The following LRMDA variants were observed in gnomAD, a reference collection of about 807,000 sequenced individuals.
LRMDA encodes leucine rich melanocyte differentiation associated, also known as leucine-rich melanocyte differentiation-associated protein.
Under a neutral mutation model 29.8 loss-of-function variants are expected in LRMDA, and 18 were observed. That is an observed-to-expected ratio of 0.60 (90% confidence interval 0.42 to 0.90). The LOEUF is 0.90. Ranked by LOEUF, LRMDA falls within the 40% of genes least tolerant of loss-of-function variation. The probability of loss-of-function intolerance (pLI) is 0.00; values close to 1 mark genes in which losing one functional copy is unlikely to be tolerated. For synonymous variants in LRMDA, 125 were observed against 109.4 expected (o/e 1.14, Z -0.89); for missense variants, 273 against 273.9 (o/e 1.00, Z 0.02).
At chr10:75,601,999 T>C (rs997772244) in intron 2 of LRMDA, among the ~76,000 whole-genome samples, 1 of 152,242 alleles carries the variant, frequency 6.6e-6, no homozygotes, top group Non-Finnish European at 1.5e-5. Context: ...TCCTCCAGAA[T>C]ACTATCTTCT....
intron 6 of LRMDA, among the ~76,000 whole-genome samples, chr10:76,345,799 A>C (rs1394936173): frequency 6.6e-5 from 10 of 152,320 alleles, no homozygotes. Context: ...ACATGGCTAA[A>C]GGGAAATACA....
chr10:75,723,345 C>T (rs997278552), intron 2 of LRMDA, among the ~76,000 whole-genome samples: 3 of 152,172 alleles, frequency 2.0e-5, no homozygotes, highest in African/African-American at 4.8e-5. Flanking sequence ...TTGTGATGAA[C>T]CAAGAAAGTA....
At chr10:75,585,259 C>G (rs567260795) in intron 2 of LRMDA, among the ~76,000 whole-genome samples, 65 of 152,346 alleles carry the variant, frequency 4.3e-4, no homozygotes, top group Non-Finnish European at 6.8e-4. Context: ...TAGCATATTG[C>G]TCAAAATGTC....
intron 6 of LRMDA, among the ~76,000 whole-genome samples, chr10:76,326,832 C>G (rs146356630): frequency 1.3e-5 from 2 of 152,156 alleles, no homozygotes; most frequent in African/African-American, 4.8e-5. Context: ...AGACCTGGGA[C>G]TCAATTTTTC....
intron 2 of LRMDA, among the ~76,000 whole-genome samples, chr10:75,818,711 C>T (rs1244484907): frequency 6.6e-6 from 1 of 152,174 alleles, no homozygotes; most frequent in Non-Finnish European, 1.5e-5. Flanking sequence ...AGAGCACAGA[C>T]CTGTCATGGG....
At chr10:76,072,439 G>A (rs1434681443) in intron 5 of LRMDA, among the ~76,000 whole-genome samples, 1 of 152,142 alleles carries the variant, frequency 6.6e-6, no homozygotes, top group Admixed American at 6.5e-5. Context: ...CATAGTAGGT[G>A]CTCAGTAAAG....
At chr10:76,013,575 C>G (rs1847823129) in intron 2 of LRMDA, among the ~76,000 whole-genome samples, 1 of 152,002 alleles carries the variant, frequency 6.6e-6, no homozygotes, top group Admixed American at 6.5e-5. Flanking sequence ...TTGGGCATAC[C>G]TGGGGCAACA....
intron 2 of LRMDA, among the ~76,000 whole-genome samples, chr10:75,447,313 A>G (rs77015966): frequency 0.01 from 1,543 of 152,242 alleles, 32 homozygotes; most frequent in African/African-American, 0.035. Context: ...GTGATGTATA[A>G]TGTCTCAGTT....
Position 76,403,975 on chromosome 10 carries a change from G to T in LRMDA, c.601+79490G>T, listed in dbSNP as rs560483280. Among the ~76,000 whole-genome samples the T allele has an allele frequency of 2.6e-5, 4 of 152,060 alleles. No homozygotes were observed. The South Asian group carries it at 6.2e-4, about 24-fold the overall frequency. On this transcript the variant is annotated intron_variant, in intron 6 of 6. Coordinates refer to ENST00000611255, the MANE Select transcript of LRMDA (RefSeq NM_001305581.2). ...TCCACTAGTGAAACAGATGCAGGAT[G>T]CCTGGGTCCTGCCTGAGCCCAGGGA... is the stretch of plus-strand genomic sequence containing the variant.
intron 6 of LRMDA, among the ~76,000 whole-genome samples, chr10:76,527,941 A>G (rs1340908474): frequency 6.6e-6 from 1 of 152,152 alleles, no homozygotes; most frequent in East Asian, 1.9e-4. Flanking sequence ...CACAGTGAGA[A>G]ACATGTGGTA....
rs138996301 is a variant in LRMDA at position 76,502,069 on chromosome 10, T to C, written c.602-55140T>C. On this transcript the variant is annotated intron_variant, in intron 6 of 6. Coordinates refer to ENST00000611255, the MANE Select transcript of LRMDA (RefSeq NM_001305581.2). ...AAGGGTAGTGGTCCAGCTTCAATCT[T>C]CTGTATATGGCTAGCCAGTTATCCC... 8.7e-3 allele frequency among the ~76,000 whole-genome samples: 1,322 copies of C among 152,152 alleles called. 17 individuals carry two copies. Among genetic ancestry groups the C allele is most frequent in the African/African-American group, 0.03 (1,258 of 41,552 alleles).
chr10:75,691,222 A>T (rs1842151858), intron 2 of LRMDA, among the ~76,000 whole-genome samples: 1 of 142,586 alleles, frequency 7.0e-6, no homozygotes, highest in Non-Finnish European at 1.5e-5. Flanking sequence ...ATATATATAC[A>T]CATATATGTG....
At chr10:75,500,035 C>CT (rs1396746815) in intron 2 of LRMDA, among the ~76,000 whole-genome samples, 7 of 152,100 alleles carry the variant, frequency 4.6e-5, no homozygotes, top group Non-Finnish European at 4.4e-5. Context: ...GTTTTCTACA[C>CT]TTTTTTTTCC....
At chr10:75,852,561 A>G (rs4077114) in intron 2 of LRMDA, among the ~76,000 whole-genome samples, 20,881 of 152,054 alleles carry the variant, frequency 0.14, 1,851 homozygotes, top group Admixed American at 0.21. Context: ...CAACAAAAAA[A>G]TAGTAATCTC....
chr10:75,448,381 G>C (rs1844418693), intron 2 of LRMDA, among the ~76,000 whole-genome samples: 1 of 152,120 alleles, frequency 6.6e-6, no homozygotes, highest in Non-Finnish European at 1.5e-5. Flanking sequence ...CCTCTGCCCT[G>C]CTGTCTGTTC....
intron 2 of LRMDA, among the ~76,000 whole-genome samples, chr10:75,966,643 C>G (rs1270942316): frequency 6.6e-6 from 1 of 152,214 alleles, no homozygotes; most frequent in East Asian, 1.9e-4. Context: ...GTCCCTTGGT[C>G]ACCTGGCATG....
chr10:76,282,528 T>A (rs1295122929), intron 5 of LRMDA, among the ~76,000 whole-genome samples: 2 of 152,178 alleles, frequency 1.3e-5, no homozygotes, highest in Non-Finnish European at 2.9e-5. Context: ...GACTTTGTGA[T>A]TTATGGCTTG....
chr10:75,546,003 G>A (rs370785182), intron 2 of LRMDA, among the ~76,000 whole-genome samples: 1 of 152,280 alleles, frequency 6.6e-6, no homozygotes, highest in South Asian at 2.1e-4. Context: ...GGAACCAAAT[G>A]GAAAGAGCAG....
chr10:75,925,221 C>T (rs1348091132), intron 2 of LRMDA, among the ~76,000 whole-genome samples: 2 of 151,904 alleles, frequency 1.3e-5, no homozygotes, highest in African/African-American at 4.8e-5. Flanking sequence ...ATTTTTTTTG[C>T]CCTCTCAGCA....
Sources: gnomAD v4.1 joint callset for allele counts (sites outside exome capture counted in the v4.1 genomes callset) on GRCh38, gnomAD v4.1.1 for gene constraint, MANE v1.5 for transcripts, NCBI Gene and HGNC (gene_info 2026-07-23, HGNC 2026-07-21) for gene names.